The following CFAP20DC variants were observed in gnomAD, a reference collection of about 807,000 sequenced individuals.
The protein encoded by CFAP20DC is CFAP20 domain containing.
In CFAP20DC, 84 loss-of-function variants were observed where a neutral mutation model predicts 101.7. The observed-to-expected ratio is 0.83, with a 90% CI of 0.69 to 0.99. The LOEUF is 0.99. Ranked by LOEUF, CFAP20DC falls within the 50% of genes least tolerant of loss-of-function variation. CFAP20DC has a pLI of 0.00. For missense variants in CFAP20DC, 1,007 were observed against 970.3 expected, an observed-to-expected ratio of 1.04 and a Z score of -0.50; for synonymous variants, 359 against 351.2, an observed-to-expected ratio of 1.02 and a Z score of -0.25.
intron 15 of CFAP20DC, among the ~76,000 whole-genome samples, chr3:58,780,097 G>T (rs1480497735): frequency 6.6e-6 from 1 of 152,026 alleles, no homozygotes; most frequent in Non-Finnish European, 1.5e-5. Flanking sequence ...GTCAGCCAAG[G>T]ATACTATACC....
At chr3:59,008,070 A>G (rs928972880) in intron 4 of CFAP20DC, among the ~76,000 whole-genome samples, 3 of 152,108 alleles carry the variant, frequency 2.0e-5, no homozygotes, top group Non-Finnish European at 4.4e-5. Context: ...CAACAGAAAC[A>G]CTGGATGCAC....
intron 4 of CFAP20DC, among the ~76,000 whole-genome samples, chr3:58,984,008 T>C (rs559275601): frequency 3.3e-5 from 5 of 152,312 alleles, no homozygotes; most frequent in South Asian, 2.1e-4. Flanking sequence ...AGGAGTTAAG[T>C]TGGGCTATTT....
chr3:58,720,172 C>T (rs140239542), intron 3 of CFAP20DC, among the ~76,000 whole-genome samples: 2 of 152,330 alleles, frequency 1.3e-5, no homozygotes, highest in Middle Eastern at 3.4e-3. Context: ...TTGGATTCCC[C>T]ACTAGAATGT....
chr3:58,911,308 T>C (rs999330771), intron 6 of CFAP20DC, among the ~76,000 whole-genome samples: 13 of 152,158 alleles, frequency 8.5e-5, no homozygotes, highest in African/African-American at 3.1e-4. Context: ...TGCCACAACA[T>C]AAATGAATCT....
At chr3:58,931,613 C>T (rs1423488725) in intron 5 of CFAP20DC, among the ~76,000 whole-genome samples, 1 of 152,218 alleles carries the variant, frequency 6.6e-6, no homozygotes, top group Non-Finnish European at 1.5e-5. Flanking sequence ...ATTCGCGGTT[C>T]ATGAAAATCT....
At chr3:59,000,587 C>T (rs191367371) in intron 4 of CFAP20DC, among the ~76,000 whole-genome samples, 5 of 152,202 alleles carry the variant, frequency 3.3e-5, no homozygotes, top group Admixed American at 3.3e-4. Context: ...TCAGGGGAAA[C>T]TGGAAATATT....
At chr3:58,947,722 T>G (rs187012692) in intron 4 of CFAP20DC, among the ~76,000 whole-genome samples, 2 of 152,140 alleles carry the variant, frequency 1.3e-5, no homozygotes, top group African/African-American at 4.8e-5. Context: ...TCTCCAAAAG[T>G]AGAATTTAAA....
intron 4 of CFAP20DC, among the ~76,000 whole-genome samples, chr3:58,980,635 G>A (rs1238037378): frequency 1.3e-5 from 2 of 152,230 alleles, no homozygotes; most frequent in African/African-American, 2.4e-5. Flanking sequence ...TGCAGAAAAG[G>A]CCTTTGACAA....
intron 4 of CFAP20DC, among the ~76,000 whole-genome samples, chr3:59,033,716 A>G (rs1468651522): frequency 6.6e-6 from 1 of 152,180 alleles, no homozygotes; most frequent in Non-Finnish European, 1.5e-5. Flanking sequence ...TACCAAACCT[A>G]TGTTTGATTG....
chr3:58,890,844 GCTC>G (rs1352195585), intron 6 of CFAP20DC, among the ~76,000 whole-genome samples: 2 of 149,264 alleles, frequency 1.3e-5, no homozygotes, highest in East Asian at 4.0e-4. Context: ...GGGCAGAGAC[GCTC>G]CTCACTTCCT....
chr3:58,909,213 T>C (rs1412985049), intron 6 of CFAP20DC, among the ~76,000 whole-genome samples: 1 of 152,142 alleles, frequency 6.6e-6, no homozygotes, highest in Non-Finnish European at 1.5e-5. Flanking sequence ...ACCATTCTGT[T>C]ATGCATGTTC....
chr3:58,932,193 T>A (rs1408435367), intron 5 of CFAP20DC, among the ~76,000 whole-genome samples: 1 of 151,884 alleles, frequency 6.6e-6, no homozygotes, highest in Admixed American at 6.6e-5. Context: ...ATGAAATGAA[T>A]GAAATGAAGT....
intron 13 of CFAP20DC, 51 bp from the exon 14 acceptor site, chr3:58,831,940 G>A: frequency 3.3e-6 from 5 of 1,511,650 alleles, no homozygotes; most frequent in Non-Finnish European, 4.6e-6. Flanking sequence ...TAATTCTACG[G>A]CTACTAACAA....
At chr3:58,956,047 A>G (rs9985387) in intron 4 of CFAP20DC, among the ~76,000 whole-genome samples, 15,080 of 151,146 alleles carry the variant, frequency 0.1, 2,456 homozygotes, top group African/African-American at 0.34. Context: ...TGATACCAAC[A>G]TACTACACTG....
chr3:58,796,114 G>T lies in CFAP20DC; in HGVS notation c.2237+10281C>A, dbSNP rs1008870670. 2.6e-5 allele frequency among the ~76,000 whole-genome samples: 4 copies of T among 152,326 alleles called. No homozygotes were observed. The South Asian group carries it at 8.3e-4, about 32-fold the overall frequency. ...TAACTGGACCAGGGATACAATTTGA[G>T]CAAACTCACTTAGGTAGAAGAAATA... On this transcript the variant is annotated intron_variant, in intron 15 of 16. Coordinates refer to ENST00000482387, the MANE Select transcript of CFAP20DC (RefSeq NM_001394063.1).
Position 58,861,778 on chromosome 3 carries a change from A to C in CFAP20DC, c.1593+1780T>G. On this transcript the variant is annotated intron_variant, in intron 12 of 16. Transcript: ENST00000482387. This position sits in a 1 kb window ranked among gnomAD's most constrained non-coding sequence, Gnocchi z 4.0. ...CCAGTGTTGGCAATGGGATGGTCTC[A>C]CCACAGACTCTAGCCGTATGCTACT... 3.0e-6 allele frequency: 3 copies of C among 985,454 alleles called. No homozygotes were observed. The highest frequency in any genetic ancestry group is 3.6e-6 in the Non-Finnish European group (3 of 829,954). 61.0% of individuals were successfully genotyped at this position (985,454 alleles called of 1,614,324 possible).
At chr3:58,740,443 C>A (rs771676175), downstream of CFAP20DC, among the ~76,000 whole-genome samples, 2 of 152,164 alleles carry the variant, frequency 1.3e-5, no homozygotes, top group Non-Finnish European at 2.9e-5. The surrounding 1 kb of genome is among the most constrained non-coding windows in gnomAD (Gnocchi z 4.6). Flanking sequence ...TGGCCATCAT[C>A]ATGAGAAACT....
At chr3:58,923,565 G>T (rs2085625092) in intron 5 of CFAP20DC, among the ~76,000 whole-genome samples, 1 of 152,100 alleles carries the variant, frequency 6.6e-6, no homozygotes, top group African/African-American at 2.4e-5. Flanking sequence ...CTTATTTTAT[G>T]ACAGGAAGTT....
chr3:58,917,833 G>A (rs903354601), intron 5 of CFAP20DC, among the ~76,000 whole-genome samples: 2 of 152,156 alleles, frequency 1.3e-5, no homozygotes, highest in Non-Finnish European at 2.9e-5. Flanking sequence ...ATCATGACAA[G>A]TCCTTCTATG....
Sources: gnomAD v4.1 joint callset for allele counts (sites outside exome capture counted in the v4.1 genomes callset) on GRCh38, gnomAD v4.1.1 for gene constraint, Gnocchi (gnomAD v3.1) non-coding constraint, MANE v1.5 for transcripts, NCBI Gene and HGNC (gene_info 2026-07-23, HGNC 2026-07-21) for gene names.